DLG2: variants seen among roughly 807,000 people sequenced by gnomAD.
DLG2 encodes the protein disks large homolog 2.
A neutral mutation model predicts 132.5 loss-of-function variants in DLG2; 45 were observed. The ratio of observed to expected loss-of-function variants is 0.34; its 90% CI spans 0.27 to 0.44. DLG2 has a LOEUF of 0.44. Among genes scored for constraint, DLG2 ranks in the 20% least tolerant of loss-of-function variants. The probability of loss-of-function intolerance (pLI) is 1.00; values close to 1 mark genes in which losing one functional copy is unlikely to be tolerated. For synonymous variants in DLG2, 424 were observed against 419.6 expected (o/e 1.01, Z -0.13); for missense variants, 1,045 against 1,196.9 (o/e 0.87, Z 1.87).
chr11:84,268,327 T>C (rs1311966299), intron 7 of DLG2, among the ~76,000 whole-genome samples: 1 of 152,166 alleles, frequency 6.6e-6, no homozygotes, highest in Non-Finnish European at 1.5e-5. Flanking sequence ...CAATATAGTT[T>C]TCTTGGTTTT....
intron 6 of DLG2, among the ~76,000 whole-genome samples, chr11:84,702,103 C>T (rs928208151): frequency 2.4e-4 from 37 of 151,666 alleles, no homozygotes; most frequent in Non-Finnish European, 3.7e-4. Context: ...GCTAAATGAA[C>T]GAATAAATAA....
intron 6 of DLG2, among the ~76,000 whole-genome samples, chr11:84,779,887 T>C (rs1278129261): frequency 2.3e-5 from 3 of 129,114 alleles, no homozygotes; most frequent in African/African-American, 7.8e-5. Flanking sequence ...AAACAATCTC[T>C]CAACAAAAAA....
rs565224958 is a variant in DLG2, at chr11:83,836,991, G to A, written c.1566-3221C>T. 1.2e-3 allele frequency among the ~76,000 whole-genome samples: 179 copies of A among 152,184 alleles called. 5 individuals carry two copies. The South Asian group carries it at 0.037, about 31-fold the overall frequency. On this transcript the variant is annotated intron_variant, in intron 16 of 27. Coordinates refer to ENST00000376104, the MANE Select transcript of DLG2 (RefSeq NM_001142699.3). Reference sequence around the variant, plus strand: ...TAGGTGGGAGTAGAAGTTCAGCTCCGCGCTTGGATCCACTAACACCAATCG... The same window carrying A: ...TAGGTGGGAGTAGAAGTTCAGCTCCACGCTTGGATCCACTAACACCAATCG...
At chr11:83,947,520 T>C (rs946680293) in intron 14 of DLG2, among the ~76,000 whole-genome samples, 2 of 152,144 alleles carry the variant, frequency 1.3e-5, no homozygotes, top group Non-Finnish European at 2.9e-5. Flanking sequence ...ACTCTACCAC[T>C]CCCAGCTAGC....
chr11:84,040,460 C>A (rs1458610312), intron 11 of DLG2, among the ~76,000 whole-genome samples: 2 of 150,778 alleles, frequency 1.3e-5, no homozygotes, highest in East Asian at 3.9e-4. Flanking sequence ...TTTCCCGGCA[C>A]CATTTATTAA....
Position 83,466,730 on chromosome 11 carries a change from G to C in DLG2, c.2707C>G (p.Pro903Ala). The change falls in exon 26 of 28, where the codon CCC becomes GCC. Residue 903 changes from proline to alanine, a missense_variant. This residue lies in a region of DLG2 where 398 missense variants were observed against 543.6 expected (regional missense o/e 0.73). Coordinates refer to ENST00000376104, the MANE Select transcript of DLG2 (RefSeq NM_001142699.3). ...CACATAAGAGGTTCCAGAGACCTGG[G>C]TTTTATGAAGATGGCAATGGGATAG... Reference protein sequence around the residue: ...QLYPIAIFIKPRSLEPLMEMN... With the variant: ...QLYPIAIFIKARSLEPLMEMN... The C allele has an allele frequency of 6.2e-7, 1 of 1,612,854 alleles. No homozygotes were observed. The highest frequency in any genetic ancestry group is 8.5e-7 in the Non-Finnish European group (1 of 1,178,880).
chr11:85,252,569 G>A (rs934726339), intron 4 of DLG2, among the ~76,000 whole-genome samples: 1 of 152,098 alleles, frequency 6.6e-6, no homozygotes, highest in Non-Finnish European at 1.5e-5. Context: ...CTGGGCAACA[G>A]AGCGAGACTC....
intron 3 of DLG2, among the ~76,000 whole-genome samples, chr11:85,288,206 T>G (rs1421833571): frequency 6.6e-6 from 1 of 151,914 alleles, no homozygotes; most frequent in East Asian, 1.9e-4. Context: ...TAAAGAAAAA[T>G]TTTGTGTTTC....
chr11:84,324,444 T>C (rs1325570341), intron 7 of DLG2, among the ~76,000 whole-genome samples: 1 of 152,140 alleles, frequency 6.6e-6, no homozygotes, highest in East Asian at 1.9e-4. Context: ...TCTTGATTAC[T>C]GTAGCTTTGT....
At chr11:85,534,618 T>G (rs557078092) in intron 3 of DLG2, among the ~76,000 whole-genome samples, 92 of 152,338 alleles carry the variant, frequency 6.0e-4, no homozygotes, top group Non-Finnish European at 1.1e-3. Context: ...TGTTTCTGCA[T>G]TAATTTGCTT....
intron 7 of DLG2, among the ~76,000 whole-genome samples, chr11:84,261,072 T>G (rs2097542830): frequency 6.6e-6 from 1 of 152,190 alleles, no homozygotes; most frequent in Non-Finnish European, 1.5e-5. Flanking sequence ...AGCTATAATC[T>G]TAGCAGTACA....
intron 3 of DLG2, among the ~76,000 whole-genome samples, chr11:85,436,367 C>A (rs1488474255): frequency 6.6e-6 from 1 of 152,042 alleles, no homozygotes; most frequent in Non-Finnish European, 1.5e-5. Context: ...ACAGAGCAAA[C>A]AACCATCCTA....
chr11:85,037,739 A>G (rs1294464872), intron 6 of DLG2, among the ~76,000 whole-genome samples: 1 of 152,142 alleles, frequency 6.6e-6, no homozygotes, highest in Non-Finnish European at 1.5e-5. Flanking sequence ...ACTTTAATTC[A>G]GTTCAAAGAA....
intron 4 of DLG2, among the ~76,000 whole-genome samples, chr11:85,276,285 G>T (rs1019486510): frequency 2.6e-5 from 4 of 152,118 alleles, no homozygotes; most frequent in Non-Finnish European, 5.9e-5. Context: ...TGCCAGGATA[G>T]TCTGCCTGTT....
intron 5 of DLG2, among the ~76,000 whole-genome samples, chr11:85,129,587 T>C (rs1489860311): frequency 1.3e-5 from 2 of 152,106 alleles, no homozygotes; most frequent in South Asian, 2.1e-4. Context: ...TGTGGAGAAA[T>C]AGGAACGCTT....
At chr11:85,235,305 G>T (rs933850395) in intron 4 of DLG2, among the ~76,000 whole-genome samples, 1 of 151,920 alleles carries the variant, frequency 6.6e-6, no homozygotes. Context: ...TGTTAAGGTG[G>T]TAGGAAATAC....
At chr11:85,370,185 C>T (rs1004193752) in intron 3 of DLG2, among the ~76,000 whole-genome samples, 4 of 152,146 alleles carry the variant, frequency 2.6e-5, no homozygotes, top group African/African-American at 9.7e-5. Flanking sequence ...ACAATTAAAG[C>T]AACTTACCAA....
chr11:84,055,334 C>G (rs561478207), intron 11 of DLG2, among the ~76,000 whole-genome samples: 1 of 152,228 alleles, frequency 6.6e-6, no homozygotes, highest in African/African-American at 2.4e-5. Flanking sequence ...CTCACTTCTG[C>G]CCTCTTCAAT....
At position 85,588,140 on chromosome 11, in the gene DLG2, G is replaced by A. The variant is rs550848487; in HGVS notation, c.40+10517C>T. Among the ~76,000 whole-genome samples the A allele has an allele frequency of 4.9e-4, 74 of 152,194 alleles. 2 individuals carry two copies. The highest frequency in any genetic ancestry group is 1.6e-3 in the African/African-American group (68 of 41,534). On this transcript the variant is annotated intron_variant, in intron 3 of 27. Transcript: ENST00000376104. ...CACAGCTCTTGAGATTCTTTCCTTT[G>A]TTCTTGACTTTATATAACCTGATGA...
Sources: gnomAD v4.1 joint callset for allele counts (sites outside exome capture counted in the v4.1 genomes callset) on GRCh38, gnomAD v4.1.1 for gene constraint, gnomAD v4.1.1 regional missense constraint, MANE v1.5 for transcripts, NCBI Gene and HGNC (gene_info 2026-07-23, HGNC 2026-07-21) for gene names.